ACTN2: variants seen among roughly 807,000 people sequenced by gnomAD.
ACTN2 encodes the protein alpha-actinin-2.
A neutral mutation model predicts 113.8 loss-of-function variants in ACTN2; 39 were observed. The observed-to-expected ratio is 0.34, with a 90% confidence interval of 0.27 to 0.45. ACTN2 has a LOEUF of 0.45. Among genes scored for constraint, ACTN2 ranks in the 20% least tolerant of loss-of-function variants. The pLI is 1.00. For synonymous variants in ACTN2, 429 were observed against 444.1 expected, an observed-to-expected ratio of 0.97 and a Z score of 0.43; for missense variants, 992 against 1,177.9, an observed-to-expected ratio of 0.84 and a Z score of 2.31.
chr1:236,713,609 T>A (rs1329051641), intron 1 of ACTN2, among the ~76,000 whole-genome samples: 1 of 152,108 alleles, frequency 6.6e-6, no homozygotes, highest in Non-Finnish European at 1.5e-5. Context: ...TGTTTATGTA[T>A]ACACAGATAC....
Position 236,700,379 on chromosome 1 carries a change from T to C in ACTN2, c.126+13580T>C, listed in dbSNP as rs557280628. Among the ~76,000 whole-genome samples the C allele has an allele frequency of 6.6e-5, 10 of 152,258 alleles. No homozygotes were observed. The East Asian group carries it at 1.9e-3, about 29-fold the overall frequency. ...CACTGATATTTTTAGAGGTGACTTT[T>C]CTGAGGCAATAACCCTGTTGTCTAA... On this transcript the variant is annotated intron_variant, in intron 1 of 20. Transcript: ENST00000366578.
chr1:236,709,327 CAT>C (rs1491205678), intron 1 of ACTN2, among the ~76,000 whole-genome samples: 5 of 126,532 alleles, frequency 4.0e-5, no homozygotes, highest in African/African-American at 1.2e-4. Flanking sequence ...TATATATATA[CAT>C]GTATATATAT....
At chr1:236,720,339 A>T in intron 4 of ACTN2, 148 bp downstream of exon 4, 1 of 695,790 alleles carries the variant, frequency 1.4e-6, no homozygotes, top group Non-Finnish European at 2.6e-6. Flanking sequence ...TTGTATGTGT[A>T]TAGGAAAAGA....
chr1:236,749,391 C>T, intron 14 of ACTN2, 127 bp downstream of exon 14: 6 of 1,193,056 alleles, frequency 5.0e-6, no homozygotes, highest in Non-Finnish European at 7.2e-6. Flanking sequence ...GGCTAGAAAG[C>T]CCAAATTACC....
intron 1 of ACTN2, among the ~76,000 whole-genome samples, chr1:236,691,877 G>T (rs1245603782): frequency 6.6e-6 from 1 of 152,180 alleles, no homozygotes; most frequent in Non-Finnish European, 1.5e-5. Context: ...GTGTGATAGG[G>T]AGATAATACC....
rs1198883611 is a variant in ACTN2, at chr1:236,753,949, G to C, written c.1842G>C (p.Val614=). Residue 614 remains valine, a splice_region_variant and synonymous_variant, in exon 16 of 21, where the codon GTG becomes GTC. Transcript: ENST00000366578. Reference sequence around the variant, plus strand: ...TTGTTGTCCTTGGGCCCTGACAGGTGAAGCAACTCGTGCCCATCCGCGATC... The same window carrying C: ...TTGTTGTCCTTGGGCCCTGACAGGTCAAGCAACTCGTGCCCATCCGCGATC... ...MDELRTKWDK[V]KQLVPIRDQS... 2.5e-6 allele frequency: 4 copies of C among 1,612,612 alleles called. No homozygotes were observed. Among genetic ancestry groups the C allele is most frequent in the Non-Finnish European group, 2.5e-6 (3 of 1,179,256 alleles).
At chr1:236,727,805 C>CATGTCCTGCAA in intron 6 of ACTN2, 49 bp downstream of exon 6, 1 of 1,572,146 alleles carries the variant, frequency 6.4e-7, no homozygotes, top group Non-Finnish European at 8.8e-7. Context: ...CGCGTCTCAG[C>CATGTCCTGCAA]ATGTCCTGCA....
At position 236,754,888 on chromosome 1, in the gene ACTN2, G is replaced by T; in HGVS notation, c.1975-131G>T. 9.7e-7 allele frequency: 1 copy of T among 1,031,610 alleles called. No individual in the cohort carries two copies. The highest frequency in any genetic ancestry group is 1.5e-6 in the Non-Finnish European group (1 of 655,832). 63.9% of individuals were successfully genotyped at this position (1,031,610 alleles called of 1,614,324 possible). ...CCACTTCCTCTGAGAAAAGTGAACCGAGTGACACTGGCCGCTGCCTGACGC... is the reference window on the plus strand; with the variant it reads ...CCACTTCCTCTGAGAAAAGTGAACCTAGTGACACTGGCCGCTGCCTGACGC... On this transcript the variant is annotated intron_variant, in intron 16 of 20. Coordinates refer to ENST00000366578, the MANE Select transcript of ACTN2 (RefSeq NM_001103.4). The surrounding 1 kb of genome is among the most constrained non-coding windows in gnomAD (Gnocchi z 4.9).
chr1:236,719,075 C>T (rs555617678), intron 3 of ACTN2, 62 bp downstream of exon 3: 16 of 1,607,080 alleles, frequency 1.0e-5, no homozygotes, highest in African/African-American at 6.7e-5. Flanking sequence ...GTGTGGGCTG[C>T]GACTTGAATT....
chr1:236,759,847 G>T, intron 19 of ACTN2, 58 bp downstream of exon 19: 1 of 1,533,030 alleles, frequency 6.5e-7, no homozygotes, highest in Non-Finnish European at 9.0e-7. Flanking sequence ...TTGGATTTCT[G>T]TTATAAAAGA....
intron 1 of ACTN2, among the ~76,000 whole-genome samples, chr1:236,713,818 T>TA (rs148087273): frequency 5.6e-3 from 1 of 178 alleles, no homozygotes; most frequent in Non-Finnish European, 0.024. Context: ...TATACACAGA[T>TA]ACCACTGAAG....
At chr1:236,734,865 C>T (rs996659557) in intron 7 of ACTN2, among the ~76,000 whole-genome samples, 2 of 152,104 alleles carry the variant, frequency 1.3e-5, no homozygotes, top group African/African-American at 2.4e-5. Flanking sequence ...AGTTTATGAA[C>T]GAGGTTAAAA....
At position 236,761,776 on chromosome 1, in the gene ACTN2, C is replaced by T. The variant is rs76339801; in HGVS notation, c.2526+603C>T. On this transcript the variant is annotated intron_variant, in intron 20 of 20. Transcript: ENST00000366578. ...CAATTTGGGACAGGATTATTTTACC[C>T]TGTTTTCTGGCTGAGAGGATAATGA... Among the ~76,000 whole-genome samples the T allele has an allele frequency of 2.8e-3, 425 of 152,246 alleles. 3 individuals are homozygous for T. Among genetic ancestry groups the T allele is most frequent in the African/African-American group, 9.7e-3 (402 of 41,548 alleles).
intron 4 of ACTN2, among the ~76,000 whole-genome samples, chr1:236,721,160 TG>T (rs1170258998): frequency 2.0e-5 from 3 of 151,254 alleles, no homozygotes; most frequent in Non-Finnish European, 4.4e-5. Flanking sequence ...CACGAGTAGC[TG>T]GGACTACAGG....
At position 236,754,331 on chromosome 1, in the gene ACTN2, T is replaced by G. The variant is rs1340152184; in HGVS notation, c.1974+250T>G. On this transcript the variant is annotated intron_variant, in intron 16 of 20. Coordinates refer to ENST00000366578, the MANE Select transcript of ACTN2 (RefSeq NM_001103.4). The surrounding 1 kb of genome is among the most constrained non-coding windows in gnomAD (Gnocchi z 4.9). Reference sequence around the variant, plus strand: ...GAGGGGGGTCTTGCTGGGTTCTGTTTATTTTCTCACTAAAAATGGTGACAG... The same window carrying G: ...GAGGGGGGTCTTGCTGGGTTCTGTTGATTTTCTCACTAAAAATGGTGACAG... Among the ~76,000 whole-genome samples the G allele has an allele frequency of 2.6e-5, 4 of 152,200 alleles. No individual in the cohort carries two copies. Among genetic ancestry groups the G allele is most frequent in the Admixed American group, 2.6e-4 (4 of 15,272 alleles).
intron 1 of ACTN2, among the ~76,000 whole-genome samples, chr1:236,697,645 A>G (rs1013729417): frequency 2.0e-5 from 3 of 151,966 alleles, no homozygotes; most frequent in African/African-American, 7.3e-5. Context: ...TTGGTATTCT[A>G]TTGGAACTTT....
At chr1:236,748,072 C>A (rs775207028) in intron 13 of ACTN2, 7 of 357,124 alleles carry the variant, frequency 2.0e-5, no homozygotes, top group Non-Finnish European at 3.2e-5. Context: ...TCCAAAAGTC[C>A]TTCTACCTGA....
At chr1:236,720,006 C>T (rs1658336762) in intron 3 of ACTN2, 99 bp from the exon 4 acceptor site, 1 of 823,180 alleles carries the variant, frequency 1.2e-6, no homozygotes, top group South Asian at 1.4e-5. Context: ...TCCATATGCA[C>T]ATTTTCCAAT....
chr1:236,735,501 C>A, intron 7 of ACTN2, 134 bp from the exon 8 acceptor site: 1 of 785,644 alleles, frequency 1.3e-6, no homozygotes, highest in Non-Finnish European at 2.2e-6. Flanking sequence ...GGACCACGGG[C>A]CCATGAAACA....
Sources: gnomAD v4.1 joint callset for allele counts (sites outside exome capture counted in the v4.1 genomes callset) on GRCh38, gnomAD v4.1.1 for gene constraint, Gnocchi (gnomAD v3.1) non-coding constraint, MANE v1.5 for transcripts, NCBI Gene and HGNC (gene_info 2026-07-23, HGNC 2026-07-21) for gene names.